Variants in MAF observed in about 807,000 individuals in gnomAD.
The protein encoded by MAF is transcription factor Maf.
A neutral mutation model predicts 22.0 loss-of-function variants in MAF; 10 were observed. The ratio of observed to expected loss-of-function variants is 0.45; its 90% confidence interval spans 0.28 to 0.77. The LOEUF (loss-of-function observed/expected upper bound fraction) is 0.77. Among genes scored for constraint, MAF ranks in the 30% least tolerant of loss-of-function variants. The pLI, the probability that MAF is intolerant of heterozygous loss-of-function variation, is 0.12. For missense variants in MAF, 544 were observed against 548.4 expected, an observed-to-expected ratio of 0.99 and a Z score of 0.08; for synonymous variants, 337 against 255.8, an observed-to-expected ratio of 1.32 and a Z score of -3.03.
the MAF span, among the ~76,000 whole-genome samples, chr16:79,390,828 C>T: frequency 7.2e-5 from 11 of 152,240 alleles, no homozygotes; most frequent in South Asian, 2.1e-4. Flanking sequence ...TGGAGCATGC[C>T]GCCGTGGGGT....
chr16:79,431,099 A>G, the MAF span, among the ~76,000 whole-genome samples: 1 of 152,144 alleles, frequency 6.6e-6, no homozygotes, highest in Non-Finnish European at 1.5e-5. Context: ...AGGAGCCACC[A>G]CTGCCTCCAC....
At chr16:79,377,520 T>A in the MAF span, among the ~76,000 whole-genome samples, 1 of 152,240 alleles carries the variant, frequency 6.6e-6, no homozygotes, top group Non-Finnish European at 1.5e-5. Flanking sequence ...GTGCAGGAGC[T>A]CTTTCGTTTA....
chr16:79,319,587 T>C, the MAF span, among the ~76,000 whole-genome samples: 1 of 152,184 alleles, frequency 6.6e-6, no homozygotes, highest in Non-Finnish European at 1.5e-5. Context: ...GGGACAATAA[T>C]GCACTTTAAA....
the MAF span, among the ~76,000 whole-genome samples, chr16:79,501,907 C>T: frequency 5.9e-5 from 9 of 152,098 alleles, no homozygotes; most frequent in East Asian, 1.9e-4. Flanking sequence ...ATTTTTCCCC[C>T]GCCAGCGGCT....
the MAF span, among the ~76,000 whole-genome samples, chr16:79,349,951 A>T: frequency 4.6e-5 from 7 of 152,184 alleles, no homozygotes; most frequent in Non-Finnish European, 1.0e-4. Context: ...GCACCCTTCA[A>T]AAGTCTTTGC....
At chr16:79,480,055 C>G in the MAF span, among the ~76,000 whole-genome samples, 490 of 152,316 alleles carry the variant, frequency 3.2e-3, 14 homozygotes, top group South Asian at 0.057. Flanking sequence ...TCCCTTAGGT[C>G]AAGCTCCAGG....
chr16:79,342,079 G>A, the MAF span, among the ~76,000 whole-genome samples: 247 of 152,340 alleles, frequency 1.6e-3, 4 homozygotes, highest in African/African-American at 5.6e-3. Context: ...AAAACACCGT[G>A]AGAAAACTAC....
At chr16:79,431,270 G>C in the MAF span, among the ~76,000 whole-genome samples, 2 of 152,104 alleles carry the variant, frequency 1.3e-5, no homozygotes, top group Non-Finnish European at 1.5e-5. Context: ...CCCATGTCCC[G>C]AGTTCTGATA....
chr16:79,223,370 G>A, the MAF span, among the ~76,000 whole-genome samples: 1 of 152,172 alleles, frequency 6.6e-6, no homozygotes, highest in Non-Finnish European at 1.5e-5. Flanking sequence ...CCAGTGTGTA[G>A]AGGGAAATTT....
At chr16:79,484,377 A>G in the MAF span, among the ~76,000 whole-genome samples, 23 of 152,324 alleles carry the variant, frequency 1.5e-4, no homozygotes, top group African/African-American at 5.1e-4. Context: ...GACCCAGGCC[A>G]TGGTGGCCGA....
chr16:79,558,706 T>C, the MAF span, among the ~76,000 whole-genome samples: 1 of 152,198 alleles, frequency 6.6e-6, no homozygotes, highest in African/African-American at 2.4e-5. Flanking sequence ...AGATACTCCA[T>C]GCCTTTCTAA....
the MAF span, among the ~76,000 whole-genome samples, chr16:79,312,465 G>A: frequency 7.6e-4 from 116 of 152,288 alleles, 1 homozygote; most frequent in African/African-American, 2.3e-3. Flanking sequence ...CAGTGCGAAC[G>A]TCCCCAAGCA....
the MAF span, among the ~76,000 whole-genome samples, chr16:79,423,533 C>A: frequency 6.6e-6 from 1 of 152,168 alleles, no homozygotes; most frequent in African/African-American, 2.4e-5. Context: ...AGCCTGTGGG[C>A]CATTTGTTTT....
rs956778213 is a variant in MAF, at chr16:79,595,499, A to C, written c.1119-946T>G. 3 of 1,059,752 alleles carry C rather than the reference A, an allele frequency of 2.8e-6. No individual in the cohort carries two copies. In the African/African-American group the frequency reaches 4.9e-5, roughly 17 times the overall value. 65.6% of individuals were successfully genotyped at this position (1,059,752 alleles called of 1,614,324 possible). A position where few individuals can be genotyped will look rare whatever the true frequency, so the allele number is the denominator to read the frequency against. Reference sequence around the variant, plus strand: ...CAAAACAGTGCTGGCTTTGTCTAACATTCTATTGGTGTGCTAGGGGAAGAT... The same window carrying C: ...CAAAACAGTGCTGGCTTTGTCTAACCTTCTATTGGTGTGCTAGGGGAAGAT... On this transcript the variant is annotated intron_variant, in intron 1 of 1. Transcript: ENST00000326043.
At chr16:79,557,703 G>A in the MAF span, among the ~76,000 whole-genome samples, 1 of 152,032 alleles carries the variant, frequency 6.6e-6, no homozygotes, top group African/African-American at 2.4e-5. Flanking sequence ...TGCTAGTTAT[G>A]ATTCCAAAGA....
chr16:79,563,095 G>C, the MAF span, among the ~76,000 whole-genome samples: 3 of 150,086 alleles, frequency 2.0e-5, no homozygotes, highest in Admixed American at 6.7e-5. Context: ...ACAGACAGCA[G>C]AACTTACGCT....
chr16:79,327,496 C>T, the MAF span, among the ~76,000 whole-genome samples: 1 of 152,140 alleles, frequency 6.6e-6, no homozygotes, highest in Admixed American at 6.5e-5. Flanking sequence ...TATTATAAGA[C>T]AAGAGATAAA....
chr16:79,597,504 T>A, intron 1 of MAF: 4 of 1,024,182 alleles, frequency 3.9e-6, no homozygotes, highest in Non-Finnish European at 4.7e-6. Context: ...ACATTAAGAG[T>A]TCTTCAATGT....
chr16:79,420,350 C>T, the MAF span, among the ~76,000 whole-genome samples: 38 of 152,154 alleles, frequency 2.5e-4, no homozygotes, highest in Non-Finnish European at 4.7e-4. Flanking sequence ...CAAAACAACG[C>T]GTGAACACAG....
Sources: allele counts gnomAD v4.1 joint callset (sites outside exome capture counted in the v4.1 genomes callset), GRCh38; gene constraint gnomAD v4.1.1; transcripts MANE v1.5; gene names NCBI Gene and HGNC (gene_info 2026-07-23, HGNC 2026-07-21).